GDA: variants seen among roughly 807,000 people sequenced by gnomAD.
The protein encoded by GDA is guanine deaminase, also known as cytoplasmic PSD-95 interactor.
A neutral mutation model predicts 59.6 loss-of-function variants in GDA; 18 were observed. The ratio of observed to expected loss-of-function variants is 0.30; its 90% CI spans 0.21 to 0.45. The LOEUF (loss-of-function observed/expected upper bound fraction) is 0.45, where lower values mean the gene tolerates loss of function less well. Ranked by LOEUF, GDA falls within the 20% of genes least tolerant of loss-of-function variation. The pLI, the probability that GDA is intolerant of heterozygous loss-of-function variation, is 1.00. For synonymous variants in GDA, 201 were observed against 201.1 expected (o/e 1.00, Z 0.00); for missense variants, 427 against 552.3 (o/e 0.77, Z 2.27).
intron 1 of GDA, among the ~76,000 whole-genome samples, chr9:72,194,586 G>A (rs1478640750): frequency 2.0e-5 from 3 of 152,098 alleles, no homozygotes; most frequent in Admixed American, 6.5e-5. Context: ...TTAGGGGAGG[G>A]GTGATGCCAG....
chr9:72,199,603 C>G (rs1309347038), intron 2 of GDA, among the ~76,000 whole-genome samples: 1 of 152,222 alleles, frequency 6.6e-6, no homozygotes, highest in Non-Finnish European at 1.5e-5. Flanking sequence ...CTCAAACACT[C>G]TCTTTTTAGC....
chr9:72,219,935 A>T (rs1836645801), intron 6 of GDA, among the ~76,000 whole-genome samples: 1 of 152,234 alleles, frequency 6.6e-6, no homozygotes, highest in South Asian at 2.1e-4. Context: ...TGTATATCCA[A>T]AAGATGCAAA....
chr9:72,173,536 G>A (rs1830221586), intron 1 of GDA, among the ~76,000 whole-genome samples: 1 of 151,794 alleles, frequency 6.6e-6, no homozygotes. Context: ...TCACCATGTT[G>A]GCTAGGCTGG....
Position 72,241,276 on chromosome 9 carries a change from A to T in GDA, c.1113A>T (p.Leu371=). Residue 371 remains leucine (L), a synonymous_variant, in exon 11 of 14, where the codon CTA becomes CTT. Transcript: ENST00000358399. The stretch of plus-strand genomic sequence containing the variant: ...TCACCCTCAAAGAAGTCTTCAGACT[A>T]GCTACTCTTGGAGGAAGCCAAGGTA... ...KSLTLKEVFR[L]ATLGGSQALG... The T allele has an allele frequency of 1.2e-6, 2 of 1,604,532 alleles. No individual in the cohort carries two copies. The highest frequency in any genetic ancestry group is 1.7e-6 in the Non-Finnish European group (2 of 1,172,890).
intron 1 of GDA, among the ~76,000 whole-genome samples, chr9:72,187,426 G>A (rs1831999269): frequency 6.6e-6 from 1 of 152,146 alleles, no homozygotes; most frequent in South Asian, 2.1e-4. Context: ...CCACCTTTCT[G>A]CTGTATGATG....
intron 1 of GDA, among the ~76,000 whole-genome samples, chr9:72,188,884 T>C (rs1832172940): frequency 6.6e-6 from 1 of 152,198 alleles, no homozygotes. Flanking sequence ...CGAAGACCTG[T>C]GTGCCCAGGA....
chr9:72,209,803 T>C (rs1490734664), intron 3 of GDA, among the ~76,000 whole-genome samples: 1 of 152,174 alleles, frequency 6.6e-6, no homozygotes, highest in African/African-American at 2.4e-5. Context: ...CATCTTTCTT[T>C]TAGAGCCATT....
intron 7 of GDA, 65 bp downstream of exon 7, chr9:72,223,292 C>A: frequency 2.4e-6 from 2 of 833,472 alleles, no homozygotes; most frequent in South Asian, 3.0e-5. Context: ...ACCCTTAAAT[C>A]ATCATTTCCA....
intron 1 of GDA, among the ~76,000 whole-genome samples, chr9:72,189,493 T>C (rs1705475385): frequency 6.6e-6 from 1 of 152,106 alleles, no homozygotes; most frequent in Non-Finnish European, 1.5e-5. Flanking sequence ...CTCTGGACTT[T>C]TGAATTGATG....
chr9:72,133,200 G>T (rs1215756193), intron 1 of GDA, among the ~76,000 whole-genome samples: 1 of 148,958 alleles, frequency 6.7e-6, no homozygotes, highest in Non-Finnish European at 1.5e-5. Context: ...TGAGGCAGGG[G>T]AATCGCTTGA....
intron 10 of GDA, among the ~76,000 whole-genome samples, chr9:72,237,380 T>C (rs1186023560): frequency 6.6e-6 from 1 of 152,232 alleles, no homozygotes; most frequent in Non-Finnish European, 1.5e-5. Context: ...GTTCTCTCCA[T>C]TGTCCAAGTA....
chr9:72,121,539 G>A (rs1399542322), intron 1 of GDA, among the ~76,000 whole-genome samples: 1 of 152,228 alleles, frequency 6.6e-6, no homozygotes, highest in African/African-American at 2.4e-5. Context: ...GGAGGTTGCA[G>A]TGAGCTGAGA....
At chr9:72,172,572 AG>A (rs1830080368) in intron 1 of GDA, among the ~76,000 whole-genome samples, 1 of 152,194 alleles carries the variant, frequency 6.6e-6, no homozygotes, top group Non-Finnish European at 1.5e-5. Flanking sequence ...GTAGTGGATT[AG>A]GACAAGAGTT....
intron 1 of GDA, among the ~76,000 whole-genome samples, chr9:72,135,480 A>C (rs1369421926): frequency 6.6e-6 from 1 of 152,152 alleles, no homozygotes; most frequent in Non-Finnish European, 1.5e-5. Context: ...TCCAGGACCC[A>C]AATTCAGCTT....
chr9:72,200,251 C>T (rs1833812164), intron 2 of GDA, among the ~76,000 whole-genome samples: 1 of 152,246 alleles, frequency 6.6e-6, no homozygotes, highest in African/African-American at 2.4e-5. Context: ...CCGCCTTGGC[C>T]TCCCAAAGTG....
intron 10 of GDA, among the ~76,000 whole-genome samples, chr9:72,231,564 C>CAA (rs879269541): frequency 2.3e-4 from 25 of 107,972 alleles, no homozygotes; most frequent in African/African-American, 7.9e-4. Context: ...GACTCTGTCT[C>CAA]AAAAAAAAAA....
intron 1 of GDA, among the ~76,000 whole-genome samples, chr9:72,167,961 A>G (rs1471788004): frequency 6.6e-6 from 1 of 152,212 alleles, no homozygotes; most frequent in Non-Finnish European, 1.5e-5. Context: ...TGCTGCTGCC[A>G]TAGGCTATAA....
chr9:72,245,349 G>A (rs1271753096), intron 12 of GDA, 71 bp downstream of exon 12: 3 of 1,179,942 alleles, frequency 2.5e-6, no homozygotes, highest in African/African-American at 3.1e-5. Flanking sequence ...CTGTAGAAAA[G>A]AAAATAGAAA....
At chr9:72,165,354 C>T (rs1310747434) in intron 1 of GDA, among the ~76,000 whole-genome samples, 1 of 152,160 alleles carries the variant, frequency 6.6e-6, no homozygotes, top group Non-Finnish European at 1.5e-5. Flanking sequence ...AGCATTTCAG[C>T]GTCACTGGAA....
Sources: allele counts gnomAD v4.1 joint callset (sites outside exome capture counted in the v4.1 genomes callset), GRCh38; gene constraint gnomAD v4.1.1; transcripts MANE v1.5; gene names NCBI Gene and HGNC (gene_info 2026-07-23, HGNC 2026-07-21).